Variants in ZC3H7B observed in about 807,000 individuals in gnomAD.
ZC3H7B encodes zinc finger CCCH domain-containing protein 7B.
Under a neutral mutation model 116.0 loss-of-function variants are expected in ZC3H7B, and 35 were observed. The ratio of observed to expected loss-of-function variants is 0.30; its 90% CI spans 0.23 to 0.40. The LOEUF is 0.40. Ranked by LOEUF, ZC3H7B falls within the 10% of genes least tolerant of loss-of-function variation. ZC3H7B has a pLI of 1.00. For synonymous variants in ZC3H7B, 502 were observed against 545.6 expected (o/e 0.92, Z 1.11); for missense variants, 1,011 against 1,321.5 (o/e 0.77, Z 3.64).
chr22:41,333,452 C>A (rs1049890595), intron 7 of ZC3H7B: 117 of 152,094 alleles, frequency 7.7e-4, no homozygotes, highest in African/African-American at 2.7e-3. Flanking sequence ...ATAATGAAAC[C>A]CCATCCCTGC....
intron 13 of ZC3H7B, 86 bp from the exon 14 acceptor site, chr22:41,345,917 G>A (rs1358274666): frequency 1.8e-5 from 26 of 1,409,474 alleles, no homozygotes; most frequent in Non-Finnish European, 2.3e-5. Flanking sequence ...TGGGGCCAGA[G>A]CCCCACAGGC....
chr22:41,356,556 G>A, intron 21 of ZC3H7B, 80 bp downstream of exon 21: 1 of 1,608,874 alleles, frequency 6.2e-7, no homozygotes, highest in East Asian at 2.2e-5. Flanking sequence ...AGCCTGGAGG[G>A]CCCAGCCGGC....
rs906249723 is a variant in ZC3H7B, at chr22:41,302,066, T to G, written c.-7+294T>G. Among the ~76,000 whole-genome samples the G allele has an allele frequency of 2.0e-5, 3 of 152,056 alleles. No individual in the cohort carries two copies. Among genetic ancestry groups the G allele is most frequent in the African/African-American group, 4.8e-5 (2 of 41,422 alleles). The stretch of plus-strand genomic sequence containing the variant: ...CGGGGGCACCTGGCGCTGGGGAGAC[T>G]TGGCCGCCCCTGCAGCCCCCAGGAG... On this transcript the variant is annotated intron_variant, in intron 1 of 22. Transcript: ENST00000352645. The surrounding 1 kb of genome is among the most constrained non-coding windows in gnomAD (Gnocchi z 5.7).
rs780582712 is a variant in ZC3H7B at position 41,343,520 on chromosome 22, G to T, written c.1403G>T (p.Arg468Leu). The change falls in exon 13 of 23, where the codon CGG becomes CTG. Residue 468 changes from arginine to leucine, a missense_variant. Around this residue, in one of 5 missense-constraint regions of ZC3H7B, gnomAD observed 179 missense variants for 178.5 expected, o/e 1.00. Transcript: ENST00000352645. ...AGCTCGGAGGACCAGACCTGGAAGC[G>T]GATCCGGCCCCGGCCCACTAAGACC... ...LRSSEDQTWK[R>L]IRPRPTKTSF... 1 of 1,613,424 alleles carries T rather than the reference G, an allele frequency of 6.2e-7. No homozygotes were observed. Among genetic ancestry groups the T allele is most frequent in the South Asian group, 1.1e-5 (1 of 91,026 alleles).
intron 2 of ZC3H7B, 41 bp downstream of exon 2, chr22:41,320,754 A>C: frequency 6.2e-7 from 1 of 1,601,504 alleles, no homozygotes; most frequent in Non-Finnish European, 8.6e-7. Context: ...CTGGGTGGGC[A>C]AGGGTGGGTT....
rs2036765862 is a variant in ZC3H7B, at chr22:41,359,903, G to C, written c.*2474G>C. 6.6e-6 allele frequency: 1 copy of C among 152,142 alleles called. No homozygotes were observed. Among genetic ancestry groups the C allele is most frequent in the Non-Finnish European group, 1.5e-5 (1 of 67,958 alleles). The allele number at this position is 152,142 out of a possible 1,614,324, so 9.4% of individuals were successfully genotyped here. A position where few individuals can be genotyped will look rare whatever the true frequency, so the allele number is the denominator to read the frequency against. On this transcript the variant is annotated 3_prime_UTR_variant, in exon 23 of 23. Transcript: ENST00000352645. ...GGACAAGATGGCATGGCAAGCATGG[G>C]GGCGGGGTGGGTGGGGAGGGATGCT...
chr22:41,312,934 C>T (rs2036135870), intron 1 of ZC3H7B, among the ~76,000 whole-genome samples: 1 of 152,084 alleles, frequency 6.6e-6, no homozygotes, highest in African/African-American at 2.4e-5. Flanking sequence ...TAATTGAGTA[C>T]ATGTGTAGGG....
chr22:41,349,088 C>T lies in ZC3H7B; in HGVS notation c.1767-32C>T. On this transcript the variant is annotated intron_variant, in intron 15 of 22. Transcript: ENST00000352645. The surrounding 1 kb of genome is among the most constrained non-coding windows in gnomAD (Gnocchi z 4.9). ...AGAAGGTCAGAGGGGCTGCGGACTG[C>T]ATCGTGCCCCTCCTGCCTGCCCGCC... The T allele has an allele frequency of 1.2e-6, 2 of 1,609,092 alleles. No homozygotes were observed. The highest frequency in any genetic ancestry group is 1.1e-5 in the South Asian group (1 of 90,612).
At chr22:41,316,748 C>G (rs1158145788) in intron 1 of ZC3H7B, among the ~76,000 whole-genome samples, 1 of 152,024 alleles carries the variant, frequency 6.6e-6, no homozygotes, top group Non-Finnish European at 1.5e-5. Context: ...AATCTTGGCT[C>G]ACTGCAACCT....
rs35055668 is a variant in ZC3H7B, at chr22:41,355,484, C to T, written c.2050C>T (p.His684Tyr). ...CCCCCCACAGGGTGCTCCGAGGACA[C>T]ATGGGCCCAGCACCTTTGACCTGCA... Reference protein sequence around the residue: ...ASSSMGAPRTHGPSTFDLQMK... With the variant: ...ASSSMGAPRTYGPSTFDLQMK... The change falls in exon 18 of 23, where the codon CAT becomes TAT. Residue 684 changes from histidine (H) to tyrosine (Y), a missense_variant. This residue lies in a region of ZC3H7B where 406 missense variants were observed against 590.2 expected (regional missense o/e 0.69). Coordinates refer to ENST00000352645, the MANE Select transcript of ZC3H7B (RefSeq NM_017590.6). The T allele has an allele frequency of 2.3e-3, 3,647 of 1,614,092 alleles. 82 individuals are homozygous for T. In the African/African-American group the frequency reaches 0.041, roughly 18 times the overall value.
At chr22:41,352,558 C>A (rs1203395490) in intron 17 of ZC3H7B, among the ~76,000 whole-genome samples, 1 of 151,922 alleles carries the variant, frequency 6.6e-6, no homozygotes, top group East Asian at 1.9e-4. Flanking sequence ...GTCAGGAGTT[C>A]GAGACCAGCG....
intron 11 of ZC3H7B, among the ~76,000 whole-genome samples, chr22:41,341,700 G>A (rs1434137080): frequency 1.3e-5 from 2 of 151,926 alleles, no homozygotes; most frequent in Admixed American, 6.6e-5. Flanking sequence ...CCGAGATCGC[G>A]CCACTGCATT....
intron 12 of ZC3H7B, among the ~76,000 whole-genome samples, chr22:41,342,989 A>G (rs2036540541): frequency 6.6e-6 from 1 of 152,144 alleles, no homozygotes; most frequent in Non-Finnish European, 1.5e-5. Flanking sequence ...CCTGGCCAAC[A>G]TGGTGAAATC....
In ZC3H7B at chr22:41,302,570, G is replaced by T. The variant is rs972426440; in HGVS notation, c.-7+798G>T. Among the ~76,000 whole-genome samples, 3 of 152,106 alleles carry T rather than the reference G, an allele frequency of 2.0e-5. No homozygotes were observed. Among genetic ancestry groups the T allele is most frequent in the Non-Finnish European group, 2.9e-5 (2 of 67,998 alleles). On this transcript the variant is annotated intron_variant, in intron 1 of 22. Coordinates refer to ENST00000352645, the MANE Select transcript of ZC3H7B (RefSeq NM_017590.6). The surrounding 1 kb of genome is among the most constrained non-coding windows in gnomAD (Gnocchi z 5.7). ...GGGGGCCTGGGAGCCGCCGACTCCG[G>T]CCTCATACCCCCATCCTGCCCGCTG...
chr22:41,325,620 A>G, intron 3 of ZC3H7B, 23 bp downstream of exon 3: 1 of 1,611,406 alleles, frequency 6.2e-7, no homozygotes, highest in Non-Finnish European at 8.5e-7. Flanking sequence ...TGCCAGGCTG[A>G]GCAAAGGTGA....
rs548349630 is a variant in ZC3H7B at position 41,303,858 on chromosome 22, C to T, written c.-7+2086C>T. On this transcript the variant is annotated intron_variant, in intron 1 of 22. Coordinates refer to ENST00000352645, the MANE Select transcript of ZC3H7B (RefSeq NM_017590.6). ...CTGCAAGCTCCGCCTCCCGGGTTCA[C>T]GCCATTCTCCTGCCTCAGCCTCCTG... Among the ~76,000 whole-genome samples the T allele has an allele frequency of 4.6e-3, 695 of 150,450 alleles. 5 individuals carry two copies. The highest frequency in any genetic ancestry group is 4.4e-3 in the Non-Finnish European group (300 of 67,530).
chr22:41,343,979 C>T (rs1429227794), intron 13 of ZC3H7B, among the ~76,000 whole-genome samples: 1 of 152,200 alleles, frequency 6.6e-6, no homozygotes, highest in African/African-American at 2.4e-5. Context: ...AGGGCTCCAT[C>T]CACTTGAGCT....
chr22:41,321,307 C>T (rs1257007155), intron 2 of ZC3H7B, among the ~76,000 whole-genome samples: 1 of 151,548 alleles, frequency 6.6e-6, no homozygotes, highest in East Asian at 1.9e-4. Context: ...CTTCTGCCTC[C>T]TGGGTTCAAG....
chr22:41,356,569 G>A (rs2036721037), intron 21 of ZC3H7B, 76 bp from the exon 22 acceptor site: 1 of 1,609,690 alleles, frequency 6.2e-7, no homozygotes. Context: ...CAGCCGGCCA[G>A]CGCTCAGCCT....
Sources: allele counts gnomAD v4.1 joint callset (sites outside exome capture counted in the v4.1 genomes callset), GRCh38; gene constraint gnomAD v4.1.1; regional missense constraint gnomAD v4.1.1; non-coding constraint Gnocchi (gnomAD v3.1); transcripts MANE v1.5; gene names NCBI Gene and HGNC (gene_info 2026-07-23, HGNC 2026-07-21).